Variants in PRKG1 observed in about 807,000 individuals in gnomAD.
PRKG1 encodes cGMP-dependent protein kinase 1.
A neutral mutation model predicts 88.1 loss-of-function variants in PRKG1; 35 were observed. That is an observed-to-expected ratio of 0.40 (90% CI 0.30 to 0.53). PRKG1 has a LOEUF of 0.53. Among genes scored for constraint, PRKG1 ranks in the 20% least tolerant of loss-of-function variants. The pLI, the probability that PRKG1 is intolerant of heterozygous loss-of-function variation, is 0.59. For missense variants in PRKG1, 540 were observed against 839.8 expected (o/e 0.64, Z 4.41); for synonymous variants, 303 against 292.5 (o/e 1.04, Z -0.37).
At chr10:52,154,562 T>C (rs1838035888) in intron 8 of PRKG1, among the ~76,000 whole-genome samples, 1 of 152,250 alleles carries the variant, frequency 6.6e-6, no homozygotes, top group Non-Finnish European at 1.5e-5. Context: ...ATATTTATAA[T>C]ATCAAAATTG....
chr10:52,115,627 A>G (rs1847668774), intron 7 of PRKG1, among the ~76,000 whole-genome samples: 1 of 152,100 alleles, frequency 6.6e-6, no homozygotes, highest in Non-Finnish European at 1.5e-5. Context: ...TCTCATAGTC[A>G]GGGTTGGGAT....
At chr10:51,541,690 C>T (rs10733839) in intron 3 of PRKG1, among the ~76,000 whole-genome samples, 118,338 of 151,856 alleles carry the variant, frequency 0.78, 47,111 homozygotes, top group East Asian at 0.98. Context: ...TCTATAGTAT[C>T]CATTCCAATT....
chr10:52,185,103 C>G (rs961107310), intron 9 of PRKG1: 6 of 152,322 alleles, frequency 3.9e-5, no homozygotes, highest in Non-Finnish European at 7.3e-5. Flanking sequence ...TTACCTCATT[C>G]CAGTGTCAAG....
chr10:51,798,966 C>G (rs911568098), intron 3 of PRKG1, among the ~76,000 whole-genome samples: 5 of 152,060 alleles, frequency 3.3e-5, no homozygotes, highest in African/African-American at 4.8e-5. Context: ...CAAATTCCCT[C>G]TACCTGACTT....
intron 17 of PRKG1, among the ~76,000 whole-genome samples, chr10:52,290,614 G>A (rs1842217880): frequency 6.6e-6 from 1 of 152,074 alleles, no homozygotes; most frequent in Non-Finnish European, 1.5e-5. Context: ...ATAGGTGAGA[G>A]GATCACTTGA....
chr10:51,455,607 T>A (rs1441205515), intron 2 of PRKG1, among the ~76,000 whole-genome samples: 1 of 152,172 alleles, frequency 6.6e-6, no homozygotes, highest in Non-Finnish European at 1.5e-5. Context: ...TCCACAAACC[T>A]CTAGGACAGG....
intron 3 of PRKG1, among the ~76,000 whole-genome samples, chr10:51,623,372 T>G (rs1839257005): frequency 6.6e-6 from 1 of 152,132 alleles, no homozygotes; most frequent in Non-Finnish European, 1.5e-5. Context: ...GGCTAATTTT[T>G]TTAACTATTT....
chr10:51,124,905 A>T (rs1845358681), intron 1 of PRKG1, among the ~76,000 whole-genome samples: 1 of 152,178 alleles, frequency 6.6e-6, no homozygotes, highest in Non-Finnish European at 1.5e-5. Context: ...TACCACAAAG[A>T]TGCTCTCCTT....
At chr10:51,769,240 TG>T (rs1838244666) in intron 3 of PRKG1, among the ~76,000 whole-genome samples, 1 of 152,200 alleles carries the variant, frequency 6.6e-6, no homozygotes, top group African/African-American at 2.4e-5. Flanking sequence ...GTTCTCTGAA[TG>T]ATTCTTGTTC....
intron 1 of PRKG1, among the ~76,000 whole-genome samples, chr10:51,077,446 G>A (rs767523059): frequency 2.0e-5 from 3 of 151,956 alleles, no homozygotes; most frequent in Non-Finnish European, 4.4e-5. Flanking sequence ...CCCCGCTAAT[G>A]TTCTGTTCAT....
intron 3 of PRKG1, among the ~76,000 whole-genome samples, chr10:51,675,626 A>G (rs1840691406): frequency 6.6e-6 from 1 of 152,204 alleles, no homozygotes; most frequent in South Asian, 2.1e-4. Context: ...TTATCTACCC[A>G]AAGTGTTTCC....
chr10:51,740,585 G>A (rs987360117), intron 3 of PRKG1, among the ~76,000 whole-genome samples: 4 of 151,998 alleles, frequency 2.6e-5, no homozygotes, highest in African/African-American at 7.2e-5. Context: ...TTGTGATATC[G>A]TGTAGCTTCT....
At chr10:51,457,811 G>GT (rs1237285443) in intron 2 of PRKG1, among the ~76,000 whole-genome samples, 1 of 152,112 alleles carries the variant, frequency 6.6e-6, no homozygotes, top group African/African-American at 2.4e-5. Context: ...TTGTTCAGCA[G>GT]TTTTTTCTTA....
At chr10:51,620,077 G>A (rs1340706441) in intron 3 of PRKG1, among the ~76,000 whole-genome samples, 1 of 152,024 alleles carries the variant, frequency 6.6e-6, no homozygotes, top group Non-Finnish European at 1.5e-5. Flanking sequence ...GGTAGATGCT[G>A]TTTTCCCCCT....
intron 17 of PRKG1, among the ~76,000 whole-genome samples, chr10:52,293,322 A>G (rs1271177994): frequency 6.6e-6 from 1 of 151,672 alleles, no homozygotes; most frequent in Non-Finnish European, 1.5e-5. Context: ...ATATCGTGAA[A>G]ATGGCCATAC....
chr10:51,687,799 A>G (rs1410866966), intron 3 of PRKG1, among the ~76,000 whole-genome samples: 2 of 152,202 alleles, frequency 1.3e-5, no homozygotes, highest in Non-Finnish European at 2.9e-5. Flanking sequence ...CTTCTTCTCC[A>G]TATCTAAGGA....
chr10:52,114,394 G>A (rs1847638828), intron 7 of PRKG1, among the ~76,000 whole-genome samples: 1 of 151,864 alleles, frequency 6.6e-6, no homozygotes, highest in Non-Finnish European at 1.5e-5. Context: ...ACAGATAGTA[G>A]GTATTCTAGA....
At chr10:51,746,303 A>T (rs1420365971) in intron 3 of PRKG1, among the ~76,000 whole-genome samples, 2 of 135,994 alleles carry the variant, frequency 1.5e-5, no homozygotes, top group African/African-American at 2.8e-5. Context: ...GTTTACATTT[A>T]AAAAAAAAAA....
At position 52,117,244 on chromosome 10, in the gene PRKG1, C is replaced by CT. The variant is rs138178851; in HGVS notation, c.936-16595dup. Among the ~76,000 whole-genome samples the CT allele has an allele frequency of 8.6e-3, 1,260 of 146,182 alleles. 14 individuals carry two copies. The highest frequency in any genetic ancestry group is 0.026 in the African/African-American group (1,057 of 40,114). The stretch of plus-strand genomic sequence containing the variant: ...CTTTTAAGAGATCCAAAATGCCACT[C>CT]TAAGAGTTATGAAGGGTGTTAAGAT... On this transcript the variant is annotated intron_variant, in intron 7 of 17. Coordinates refer to ENST00000373980, the MANE Select transcript of PRKG1 (RefSeq NM_006258.4).
Sources: gnomAD v4.1 joint callset for allele counts (sites outside exome capture counted in the v4.1 genomes callset) on GRCh38, gnomAD v4.1.1 for gene constraint, MANE v1.5 for transcripts, NCBI Gene and HGNC (gene_info 2026-07-23, HGNC 2026-07-21) for gene names.